Variants in TNNI3K observed in about 807,000 individuals in gnomAD.
TNNI3K encodes the protein serine/threonine-protein kinase TNNI3K.
TNNI3K carries 140 observed loss-of-function variants against 114.5 expected under a neutral mutation model. The observed-to-expected ratio is 1.22, with a 90% CI of 1.07 to 1.41. The LOEUF (loss-of-function observed/expected upper bound fraction) is 1.41, where lower values mean the gene tolerates loss of function less well. Ranked by LOEUF, TNNI3K falls within the 40% of genes most tolerant of loss-of-function variation. TNNI3K has a pLI of 0.00. For missense variants in TNNI3K, 1,125 were observed against 1,007.6 expected, an observed-to-expected ratio of 1.12 and a Z score of -1.58; for synonymous variants, 347 against 347.5, an observed-to-expected ratio of 1.00 and a Z score of 0.02.
intron 5 of TNNI3K, among the ~76,000 whole-genome samples, chr1:74,285,430 C>A (rs1053769557): frequency 1.3e-5 from 2 of 152,148 alleles, no homozygotes; most frequent in African/African-American, 4.8e-5. Flanking sequence ...TATGGTTCAC[C>A]TTTTCTACCC....
At chr1:74,466,977 A>G (rs771841369) in intron 21 of TNNI3K, among the ~76,000 whole-genome samples, 2 of 152,220 alleles carry the variant, frequency 1.3e-5, no homozygotes, top group South Asian at 2.1e-4. Context: ...GTTAAGAAAG[A>G]CAAAACTCTG....
intron 17 of TNNI3K, among the ~76,000 whole-genome samples, chr1:74,404,027 C>T (rs1664495490): frequency 6.6e-6 from 1 of 152,118 alleles, no homozygotes; most frequent in Admixed American, 6.6e-5. Flanking sequence ...CTGCCCACCC[C>T]AATGTCCTTT....
At chr1:74,523,580 A>G (rs1646464359) in intron 23 of TNNI3K, among the ~76,000 whole-genome samples, 2 of 152,152 alleles carry the variant, frequency 1.3e-5, no homozygotes, top group South Asian at 2.1e-4. Flanking sequence ...TTCGGTGAAT[A>G]TTTAGACTTC....
chr1:74,465,537 C>A (rs915312696), intron 21 of TNNI3K, among the ~76,000 whole-genome samples: 1 of 148,050 alleles, frequency 6.8e-6, no homozygotes, highest in Non-Finnish European at 1.5e-5. Context: ...TGCCCGAGTC[C>A]CCCCCCAACC....
chr1:74,473,264 G>T (rs1230650496), intron 21 of TNNI3K, among the ~76,000 whole-genome samples: 4 of 151,810 alleles, frequency 2.6e-5, no homozygotes, highest in Non-Finnish European at 1.5e-5. Context: ...GAGCTTTAAA[G>T]AAGTTGAATG....
At chr1:74,255,468 G>A (rs1044862530) in intron 4 of TNNI3K, among the ~76,000 whole-genome samples, 2 of 151,872 alleles carry the variant, frequency 1.3e-5, no homozygotes, top group African/African-American at 4.8e-5. Context: ...ACTCTGGTTC[G>A]AACGCCTCTG....
chr1:74,471,058 G>A (rs1450857873), intron 21 of TNNI3K: 1 of 400,574 alleles, frequency 2.5e-6, no homozygotes, highest in Admixed American at 4.4e-5. Flanking sequence ...TGAGAATTGA[G>A]AATGTGAGTG....
rs1570663791 is a variant in TNNI3K, at chr1:74,471,477, T to G, written c.2121+7927T>G. The G allele has an allele frequency of 7.5e-6, 3 of 400,686 alleles. No homozygotes were observed. In the Admixed American group the frequency reaches 1.3e-4, roughly 18 times the overall value. 24.8% of individuals were successfully genotyped at this position (400,686 alleles called of 1,614,324 possible). Reference sequence around the variant, plus strand: ...AAGGATGTAAATTTAATTTTAAGTTTTGTCCTTTAATTTTCCCTTTGAGGT... The same window carrying G: ...AAGGATGTAAATTTAATTTTAAGTTGTGTCCTTTAATTTTCCCTTTGAGGT... On this transcript the variant is annotated intron_variant, in intron 21 of 24. Coordinates refer to ENST00000326637, the MANE Select transcript of TNNI3K (RefSeq NM_015978.3).
Position 74,451,657 on chromosome 1 carries a change from T to TTTC in TNNI3K, c.2012-11782_2012-11781insCTT, listed in dbSNP as rs200008135. On this transcript the variant is annotated intron_variant, in intron 20 of 24. Coordinates refer to ENST00000326637, the MANE Select transcript of TNNI3K (RefSeq NM_015978.3). ...CTTTTTCTTTCTTTCTTTCCTTTCT[T>TTTC]TTTTCTTTTCTTTTCTTTTCTTTTC... Among the ~76,000 whole-genome samples the TTTC allele has an allele frequency of 3.6e-4, 19 of 53,126 alleles. No individual in the cohort carries two copies. The East Asian group carries it at 7.6e-3, about 21-fold the overall frequency. The allele number at this position is 53,126 out of a possible 152,430, so 34.9% of individuals were successfully genotyped here.
chr1:74,308,600 C>G (rs1226233965), intron 5 of TNNI3K, among the ~76,000 whole-genome samples: 1 of 151,844 alleles, frequency 6.6e-6, no homozygotes, highest in East Asian at 1.9e-4. Flanking sequence ...ACTGGAGGAG[C>G]TAGAAAAACA....
At chr1:74,319,919 A>G (rs979504080) in intron 5 of TNNI3K, among the ~76,000 whole-genome samples, 2 of 152,230 alleles carry the variant, frequency 1.3e-5, no homozygotes, top group African/African-American at 2.4e-5. Context: ...TGACCATAGC[A>G]TAGCATAGCA....
intron 5 of TNNI3K, among the ~76,000 whole-genome samples, chr1:74,272,048 A>G (rs1401353095): frequency 6.6e-6 from 1 of 151,970 alleles, no homozygotes; most frequent in Non-Finnish European, 1.5e-5. Context: ...GAATATTAGT[A>G]AGCCTATTAT....
intron 20 of TNNI3K, among the ~76,000 whole-genome samples, chr1:74,454,509 T>C (rs374206003): frequency 8.5e-5 from 13 of 152,344 alleles, no homozygotes; most frequent in African/African-American, 2.4e-4. Flanking sequence ...CTTCATATAA[T>C]GGCTTCCAGT....
intron 20 of TNNI3K, among the ~76,000 whole-genome samples, chr1:74,449,795 C>T (rs972674057): frequency 6.6e-6 from 1 of 151,160 alleles, no homozygotes; most frequent in African/African-American, 2.4e-5. Flanking sequence ...GACTCCCACA[C>T]ATTAATAATG....
At chr1:74,316,494 C>T (rs114639836) in intron 5 of TNNI3K, among the ~76,000 whole-genome samples, 2,886 of 152,126 alleles carry the variant, frequency 0.019, 82 homozygotes, top group African/African-American at 0.064. Flanking sequence ...CAGGCATGCT[C>T]CTGCCTTGGG....
At chr1:74,250,114 A>G (rs1459493665) in intron 3 of TNNI3K, among the ~76,000 whole-genome samples, 1 of 152,226 alleles carries the variant, frequency 6.6e-6, no homozygotes, top group Non-Finnish European at 1.5e-5. Flanking sequence ...TTGTTAATCC[A>G]AACTAAATTC....
At chr1:74,258,185 A>T (rs1406702667) in intron 4 of TNNI3K, among the ~76,000 whole-genome samples, 1 of 152,146 alleles carries the variant, frequency 6.6e-6, no homozygotes, top group African/African-American at 2.4e-5. Context: ...GATCTTTTCT[A>T]GATCTTCCAG....
At chr1:74,414,602 T>C (rs1665033249) in intron 17 of TNNI3K, among the ~76,000 whole-genome samples, 1 of 152,200 alleles carries the variant, frequency 6.6e-6, no homozygotes, top group Non-Finnish European at 1.5e-5. Context: ...TTAGGGCAAA[T>C]GCTATGTTGG....
intron 5 of TNNI3K, among the ~76,000 whole-genome samples, chr1:74,289,818 T>G (rs925118729): frequency 7.9e-5 from 12 of 151,942 alleles, no homozygotes; most frequent in African/African-American, 2.9e-4. Context: ...CCTAATACAT[T>G]GGCAAACCAA....
Sources: gnomAD v4.1 joint callset for allele counts (sites outside exome capture counted in the v4.1 genomes callset) on GRCh38, gnomAD v4.1.1 for gene constraint, MANE v1.5 for transcripts, NCBI Gene and HGNC (gene_info 2026-07-23, HGNC 2026-07-21) for gene names.